Variants in LRRC7 observed in about 807,000 individuals in gnomAD.
The protein encoded by LRRC7 is leucine rich repeat containing 7, also known as leucine-rich repeat-containing protein 7.
A neutral mutation model predicts 175.7 loss-of-function variants in LRRC7; 23 were observed. That is an observed-to-expected ratio of 0.13 (90% CI 0.09 to 0.19). The LOEUF (loss-of-function observed/expected upper bound fraction) is 0.19, where lower values mean the gene tolerates loss of function less well. Ranked by LOEUF, LRRC7 falls within the 10% of genes least tolerant of loss-of-function variation. The pLI, the probability that LRRC7 is intolerant of heterozygous loss-of-function variation, is 1.00. For missense variants in LRRC7, 1,354 were observed against 1,904.7 expected, an observed-to-expected ratio of 0.71 and a Z score of 5.38; for synonymous variants, 685 against 680.9, an observed-to-expected ratio of 1.01 and a Z score of -0.09.
intron 8 of LRRC7, among the ~76,000 whole-genome samples, chr1:69,968,038 A>G (rs1845825): frequency 0.28 from 42,989 of 152,016 alleles, 7,424 homozygotes; most frequent in Non-Finnish European, 0.38. Flanking sequence ...AGCCCAATGT[A>G]AGGAAATCAA....
chr1:69,857,467 A>G (rs1683800788), intron 7 of LRRC7, among the ~76,000 whole-genome samples: 1 of 152,098 alleles, frequency 6.6e-6, no homozygotes. Context: ...TTATACACCA[A>G]TAACAGACAA....
Position 70,039,377 on chromosome 1 carries a change from C to T in LRRC7, c.3553C>T (p.Pro1185Ser), listed in dbSNP as rs758814482. The T allele has an allele frequency of 5.0e-6, 8 of 1,614,044 alleles. No homozygotes were observed. The South Asian group carries it at 5.5e-5, about 11-fold the overall frequency. Residue 1185 changes from proline (P) to serine (S), a missense_variant, in exon 21 of 27, where the codon CCA (proline) becomes TCA (serine). Pro to Ser is a moderately conservative substitution (Grantham distance 74). Transcript: ENST00000651989. ...CCCAACTGATAGGTACGGCAGACCC[C>T]CATATAGGGGAGGGCTGGATCGCCA... ...LPPTDRYGRP[P>S]YRGGLDRQSS...
chr1:70,018,942 C>A, intron 15 of LRRC7, 124 bp downstream of exon 15: 1 of 609,714 alleles, frequency 1.6e-6, no homozygotes. Context: ...AATTACATGA[C>A]ACACAAATAT....
chr1:69,984,604 A>G (rs1370128527), intron 9 of LRRC7, among the ~76,000 whole-genome samples: 1 of 152,138 alleles, frequency 6.6e-6, no homozygotes, highest in African/African-American at 2.4e-5. Context: ...TCCTTGCCCA[A>G]GATATGGGTT....
chr1:69,637,383 T>A (rs1653556181), intron 1 of LRRC7, among the ~76,000 whole-genome samples: 1 of 151,922 alleles, frequency 6.6e-6, no homozygotes, highest in South Asian at 2.1e-4. Flanking sequence ...GTCTTGGGGT[T>A]AATTCTACAT....
chr1:70,142,422 CTAT>C lies in LRRC7; in HGVS notation c.*20537_*20539del, dbSNP rs1248794054. On this transcript the variant is annotated 3_prime_UTR_variant, in exon 27 of 27. Coordinates refer to ENST00000651989, the MANE Select transcript of LRRC7 (RefSeq NM_001370785.2). ...CACTTTCATCCTTGAAAACACAAGCCTATTTTCTGTTTGAAATGAAGAGAAAGG... is the reference window on the plus strand; with the variant it reads ...CACTTTCATCCTTGAAAACACAAGCCTTTCTGTTTGAAATGAAGAGAAAGG... The C allele has an allele frequency of 6.6e-6, 1 of 152,062 alleles. No homozygotes were observed. Among genetic ancestry groups the C allele is most frequent in the Admixed American group, 6.6e-5 (1 of 15,264 alleles). 9.4% of individuals were successfully genotyped at this position (152,062 alleles called of 1,614,324 possible).
At chr1:69,643,217 T>C (rs957604001) in intron 1 of LRRC7, among the ~76,000 whole-genome samples, 3 of 152,140 alleles carry the variant, frequency 2.0e-5, no homozygotes, top group African/African-American at 4.8e-5. Flanking sequence ...GCTCACATTG[T>C]TGAGCTCGGA....
At chr1:69,867,758 C>T (rs767158958) in intron 7 of LRRC7, among the ~76,000 whole-genome samples, 2 of 152,086 alleles carry the variant, frequency 1.3e-5, no homozygotes, top group Non-Finnish European at 2.9e-5. Flanking sequence ...TCAAGGATAA[C>T]ACACTGGTTG....
At chr1:69,841,121 G>A (rs1681680184) in intron 7 of LRRC7, among the ~76,000 whole-genome samples, 1 of 151,774 alleles carries the variant, frequency 6.6e-6, no homozygotes, top group African/African-American at 2.4e-5. Flanking sequence ...AATGGGCTAG[G>A]GTTTGCCTCA....
intron 7 of LRRC7, among the ~76,000 whole-genome samples, chr1:69,896,359 T>C (rs1017376236): frequency 2.0e-5 from 3 of 152,148 alleles, no homozygotes; most frequent in African/African-American, 4.8e-5. Flanking sequence ...TTATAAATTA[T>C]ACTCATCCTC....
At chr1:70,104,341 G>T (rs1472351) in intron 25 of LRRC7, among the ~76,000 whole-genome samples, 23,361 of 152,066 alleles carry the variant, frequency 0.15, 2,863 homozygotes, top group African/African-American at 0.33. Flanking sequence ...CCACAAAATG[G>T]GTTTAGATTT....
rs1650497651 is a variant in LRRC7, at chr1:69,621,087, C to T, written c.2+52446C>T. Among the ~76,000 whole-genome samples, 3 of 151,264 alleles carry T rather than the reference C, an allele frequency of 2.0e-5. No homozygotes were observed. The South Asian group carries it at 6.3e-4, about 32-fold the overall frequency. ...GAGACAGATTTTCACTCTTGTTGCC[C>T]AGGCTGGAGTGCAATGGCGCAATCT... On this transcript the variant is annotated intron_variant, in intron 1 of 26. Transcript: ENST00000651989.
chr1:69,586,862 T>C (rs1646424577), intron 1 of LRRC7, among the ~76,000 whole-genome samples: 1 of 152,212 alleles, frequency 6.6e-6, no homozygotes, highest in South Asian at 2.1e-4. Flanking sequence ...AGAAATTCCA[T>C]TTATTGTTAA....
At chr1:69,932,908 A>G (rs1435428212) in intron 8 of LRRC7, among the ~76,000 whole-genome samples, 4 of 152,236 alleles carry the variant, frequency 2.6e-5, no homozygotes, top group Non-Finnish European at 5.9e-5. Flanking sequence ...GCGTCCTGTT[A>G]AATCGTCAGT....
At chr1:69,814,082 A>T (rs1678292641) in intron 4 of LRRC7, among the ~76,000 whole-genome samples, 1 of 152,118 alleles carries the variant, frequency 6.6e-6, no homozygotes, top group South Asian at 2.1e-4. Context: ...GTTTCTGAGG[A>T]CCAGACAGAA....
rs1019027812 is a variant in LRRC7, at chr1:70,124,189, A to G, written c.*2302A>G. On this transcript the variant is annotated 3_prime_UTR_variant, in exon 27 of 27. Coordinates refer to ENST00000651989, the MANE Select transcript of LRRC7 (RefSeq NM_001370785.2). ...GATATGCCAAAGCACCTCACTGTCA[A>G]TAGTACTGCCATGTTGCATACTGAG... Among the ~76,000 whole-genome samples, 47 of 152,324 alleles carry G rather than the reference A, an allele frequency of 3.1e-4. No individual in the cohort carries two copies. The highest frequency in any genetic ancestry group is 1.1e-3 in the African/African-American group (47 of 41,574).
In LRRC7 at chr1:70,026,648, T is replaced by C. The variant is rs551473732; in HGVS notation, c.1795-1523T>C. On this transcript the variant is annotated intron_variant, in intron 17 of 26. Coordinates refer to ENST00000651989, the MANE Select transcript of LRRC7 (RefSeq NM_001370785.2). ...TGGGTTATATTTTTGTAGCTATATT[T>C]CTATATATTATCAATGTCATCCTTA... Among the ~76,000 whole-genome samples, 3 of 152,274 alleles carry C rather than the reference T, an allele frequency of 2.0e-5. 1 individual carries two copies. In the South Asian group the frequency reaches 6.2e-4, roughly 32 times the overall value.
chr1:69,668,849 G>C (rs1658653052), intron 1 of LRRC7, among the ~76,000 whole-genome samples: 1 of 152,200 alleles, frequency 6.6e-6, no homozygotes, highest in Non-Finnish European at 1.5e-5. Flanking sequence ...TAATTGGCAT[G>C]AGATGGTATC....
chr1:69,662,912 T>C (rs1251665575), intron 1 of LRRC7, among the ~76,000 whole-genome samples: 2 of 152,224 alleles, frequency 1.3e-5, no homozygotes, highest in Non-Finnish European at 2.9e-5. Flanking sequence ...GTGTCACTGC[T>C]TCTTCAACAA....
Sources: gnomAD v4.1 joint callset for allele counts (sites outside exome capture counted in the v4.1 genomes callset) on GRCh38, gnomAD v4.1.1 for gene constraint, MANE v1.5 for transcripts, NCBI Gene and HGNC (gene_info 2026-07-23, HGNC 2026-07-21) for gene names.